Variants in PAQR9 observed in about 807,000 individuals in gnomAD.
PAQR9 encodes the protein membrane progestin receptor epsilon.
In PAQR9, 12 loss-of-function variants were observed where a neutral mutation model predicts 24.0. The ratio of observed to expected loss-of-function variants is 0.50; its 90% CI spans 0.32 to 0.81. The LOEUF is 0.81. Ranked by LOEUF, PAQR9 falls within the 30% of genes least tolerant of loss-of-function variation. The pLI is 0.03. For missense variants in PAQR9, 418 were observed against 520.8 expected (o/e 0.80, Z 1.92); for synonymous variants, 266 against 237.6 (o/e 1.12, Z -1.10).
rs1055539883 is a variant in PAQR9, at chr3:142,961,213, G to A, written c.*990C>T. 3.3e-5 allele frequency: 5 copies of A among 152,548 alleles called. No individual in the cohort carries two copies. Among genetic ancestry groups the A allele is most frequent in the African/African-American group, 1.2e-4 (5 of 41,408 alleles). The allele number at this position is 152,548 out of a possible 1,614,324, so 9.4% of individuals were successfully genotyped here. A position where few individuals can be genotyped will look rare whatever the true frequency, so the allele number is the denominator to read the frequency against. The stretch of plus-strand genomic sequence containing the variant: ...TACTACTCTCCCCATGTAAGAAACT[G>A]TGTTTGAGGACCAGTCATTTGGACT... On this transcript the variant is annotated 3_prime_UTR_variant, in exon 1 of 1. Transcript: ENST00000340634.
chr3:142,951,359 A>G (rs2270766), downstream of PAQR9, among the ~76,000 whole-genome samples: 37,490 of 152,172 alleles, frequency 0.25, 5,330 homozygotes, highest in Non-Finnish European at 0.33. Context: ...TTGAAATAGA[A>G]TCAAACTCTC....
chr3:142,951,691 A>G (rs558800838), downstream of PAQR9: 4 of 456,582 alleles, frequency 8.8e-6, no homozygotes, highest in South Asian at 4.6e-5. Context: ...GAAAGCTGAC[A>G]GAAAGTGGCA....
downstream of PAQR9, among the ~76,000 whole-genome samples, chr3:142,954,342 T>C (rs954318424): frequency 3.3e-5 from 5 of 152,244 alleles, no homozygotes; most frequent in Admixed American, 6.5e-5. Context: ...TTACAAGATA[T>C]GGCTTCAAAG....
chr3:142,952,515 T>A (rs1258307482), downstream of PAQR9, among the ~76,000 whole-genome samples: 1 of 152,230 alleles, frequency 6.6e-6, no homozygotes, highest in African/African-American at 2.4e-5. Flanking sequence ...TCTGTTAAGA[T>A]ACTTCTGATT....
Position 142,955,301 on chromosome 3 carries a change from C to G in PAQR9, c.*6902G>C, listed in dbSNP as rs1346400060. Among the ~76,000 whole-genome samples the G allele has an allele frequency of 6.6e-6, 1 of 151,842 alleles. No individual in the cohort carries two copies. Among genetic ancestry groups the G allele is most frequent in the Non-Finnish European group, 1.5e-5 (1 of 67,996 alleles). On this transcript the variant is annotated 3_prime_UTR_variant, in exon 1 of 1. Coordinates refer to ENST00000340634, the MANE Select transcript of PAQR9 (RefSeq NM_198504.4). ...CATAAGGCAGATGGTTGGAGAAGGC[C>G]TAAATACACATGGAATCCTTTTAGA...
rs1351758777 is a variant in PAQR9, at chr3:142,960,137, A to T, written c.*2066T>A. On this transcript the variant is annotated 3_prime_UTR_variant, in exon 1 of 1. Coordinates refer to ENST00000340634, the MANE Select transcript of PAQR9 (RefSeq NM_198504.4). ...CAACAACTGTGCAAAGTGTATTTAC[A>T]ATCTCAGTAAGAGATTCTAAATTAA... Among the ~76,000 whole-genome samples, 1 of 152,236 alleles carries T rather than the reference A, an allele frequency of 6.6e-6. No homozygotes were observed. Among genetic ancestry groups the T allele is most frequent in the Admixed American group, 6.5e-5 (1 of 15,284 alleles).
chr3:142,963,349 T>C lies in PAQR9; in HGVS notation c.-13A>G. The C allele has an allele frequency of 8.2e-7, 1 of 1,224,402 alleles. No individual in the cohort carries two copies. The highest frequency in any genetic ancestry group is 1.0e-6 in the Non-Finnish European group (1 of 984,830). The allele number at this position is 1,224,402 out of a possible 1,614,324, so 75.8% of individuals were successfully genotyped here. A position where few individuals can be genotyped will look rare whatever the true frequency, so the allele number is the denominator to read the frequency against. On this transcript the variant is annotated 5_prime_UTR_variant, in exon 1 of 1. Coordinates refer to ENST00000340634, the MANE Select transcript of PAQR9 (RefSeq NM_198504.4). ...GGCGCCGCGGCATGGTGCCCGGGGCTCGGCTAGGGCGCGCGCAGGCGACCT... is the reference window on the plus strand; with the variant it reads ...GGCGCCGCGGCATGGTGCCCGGGGCCCGGCTAGGGCGCGCGCAGGCGACCT...
chr3:142,952,779 A>C, downstream of PAQR9: 1 of 456,736 alleles, frequency 2.2e-6, no homozygotes, highest in South Asian at 1.5e-5. Flanking sequence ...GGGGAGGGAC[A>C]GGAAAACTTA....
chr3:142,957,678 C>T lies in PAQR9; in HGVS notation c.*4525G>A, dbSNP rs1934813953. Among the ~76,000 whole-genome samples the T allele has an allele frequency of 6.6e-6, 1 of 152,156 alleles. No individual in the cohort carries two copies. The highest frequency in any genetic ancestry group is 6.5e-5 in the Admixed American group (1 of 15,284). On this transcript the variant is annotated 3_prime_UTR_variant, in exon 1 of 1. Transcript: ENST00000340634. ...TAATAGTATGAATACTATCAATCTT[C>T]CAATAGTTATCGTTATTAGTGTTTT...
chr3:142,962,456 T>A lies in PAQR9; in HGVS notation c.881A>T (p.Lys294Met). ...LVVAAFFNVS[K>M]IPERIQPGLF... is the part of the protein sequence containing the mutation. ...ACCCGGCTGGATGCGCTCGGGGATC[T>A]TGCTCACGTTGAAGAAGGCGGCCAC... is the stretch of plus-strand genomic sequence containing the variant. Residue 294 changes from lysine to methionine, a missense_variant, in exon 1 of 1, where the codon AAG (lysine) becomes ATG (methionine). By Grantham distance (95) the Lys-to-Met change is moderately conservative (BLOSUM62 -1). This residue lies in a region of PAQR9 where 230 missense variants were observed against 305.2 expected (regional missense o/e 0.75). Coordinates refer to ENST00000340634, the MANE Select transcript of PAQR9 (RefSeq NM_198504.4). 1 of 1,613,730 alleles carries A rather than the reference T, an allele frequency of 6.2e-7. No individual in the cohort carries two copies. The highest frequency in any genetic ancestry group is 1.3e-5 in the African/African-American group (1 of 75,052).
In PAQR9 at chr3:142,962,724, G is replaced by C. The variant is rs1427173538; in HGVS notation, c.613C>G (p.Leu205Val). 6.2e-7 allele frequency: 1 copy of C among 1,612,574 alleles called. No homozygotes were observed. The highest frequency in any genetic ancestry group is 1.1e-5 in the South Asian group (1 of 90,940). ...RLGWHVDCTR[L>V]IAAYRALVLP... ...ACCAGGGCGCGGTAGGCGGCGATAA[G>C]GCGCGTGCAGTCCACGTGCCAGCCC... Residue 205 changes from leucine to valine, a missense_variant, in exon 1 of 1, where the codon CTT (leucine) becomes GTT (valine). Coordinates refer to ENST00000340634, the MANE Select transcript of PAQR9 (RefSeq NM_198504.4).
In PAQR9 at chr3:142,956,233, A is replaced by G. The variant is rs575462731; in HGVS notation, c.*5970T>C. Among the ~76,000 whole-genome samples, 9 of 152,366 alleles carry G rather than the reference A, an allele frequency of 5.9e-5. No individual in the cohort carries two copies. Among genetic ancestry groups the G allele is most frequent in the African/African-American group, 2.2e-4 (9 of 41,596 alleles). The stretch of plus-strand genomic sequence containing the variant: ...TCTAGAAACAAGAGTTTATTTACAC[A>G]GTGTCCTTCTTCAATATCATGGTGT... On this transcript the variant is annotated 3_prime_UTR_variant, in exon 1 of 1. Coordinates refer to ENST00000340634, the MANE Select transcript of PAQR9 (RefSeq NM_198504.4).
Position 142,956,348 on chromosome 3 carries a change from G to A in PAQR9, c.*5855C>T, listed in dbSNP as rs956821056. ...CCTTGAGTGCTTATTGCGTATTTTGGGTGGAGGTATAAGGCATGAGGGAAA... is the reference window on the plus strand; with the variant it reads ...CCTTGAGTGCTTATTGCGTATTTTGAGTGGAGGTATAAGGCATGAGGGAAA... On this transcript the variant is annotated 3_prime_UTR_variant, in exon 1 of 1. Transcript: ENST00000340634. 4.6e-5 allele frequency among the ~76,000 whole-genome samples: 7 copies of A among 152,130 alleles called. No homozygotes were observed. Among genetic ancestry groups the A allele is most frequent in the African/African-American group, 1.7e-4 (7 of 41,422 alleles).
rs561284121 is a variant in PAQR9, at chr3:142,956,003, A to T, written c.*6200T>A. On this transcript the variant is annotated 3_prime_UTR_variant, in exon 1 of 1. Coordinates refer to ENST00000340634, the MANE Select transcript of PAQR9 (RefSeq NM_198504.4). ...TCACCGGATAAAGATGAGTCTTTCC[A>T]AAAAGCTCTGGTTCTCACTTATGTG... Among the ~76,000 whole-genome samples, 44 of 152,348 alleles carry T rather than the reference A, an allele frequency of 2.9e-4. No individual in the cohort carries two copies. The highest frequency in any genetic ancestry group is 6.5e-4 in the Admixed American group (10 of 15,306).
Position 142,963,092 on chromosome 3 carries a change from T to C in PAQR9, c.245A>G (p.Asn82Ser), listed in dbSNP as rs1445468364. 6.2e-7 allele frequency: 1 copy of C among 1,614,006 alleles called. No individual in the cohort carries two copies. Among genetic ancestry groups the C allele is most frequent in the Non-Finnish European group, 8.5e-7 (1 of 1,179,956 alleles). Residue 82 changes from asparagine (N) to serine (S), a missense_variant, in exon 1 of 1, where the codon AAC (asparagine) becomes AGC (serine). Physicochemically the swap from Asn to Ser is conservative, Grantham distance 46. Coordinates refer to ENST00000340634, the MANE Select transcript of PAQR9 (RefSeq NM_198504.4). ...GTGCGTCCAGAAGTTGAGCGTCTCG[T>C]TGGTAGGCTTCAGCACCGAGGCTAG... ...ECLASVLKPT[N>S]ETLNFWTHFI...
At chr3:142,950,503 A>G, downstream of PAQR9, 1 of 395,184 alleles carries the variant, frequency 2.5e-6, no homozygotes, top group South Asian at 1.9e-5. Context: ...TAAGCTCCTT[A>G]CATCCCATAC....
At position 142,962,935 on chromosome 3, in the gene PAQR9, G is replaced by A; in HGVS notation, c.402C>T (p.Ala134=). The A allele has an allele frequency of 1.2e-6, 2 of 1,614,000 alleles. No homozygotes were observed. The highest frequency in any genetic ancestry group is 1.6e-4 in the Middle Eastern group (1 of 6,062). The change falls in exon 1 of 1, where the codon GCC becomes GCT. Residue 134 remains alanine, a synonymous_variant. Coordinates refer to ENST00000340634, the MANE Select transcript of PAQR9 (RefSeq NM_198504.4). Reference sequence around the variant, plus strand: ...TGAACACGTGCGCCGTGCAGCTCATGGCGAAGGTCAGCAGCACTCCCGACG... The same window carrying A: ...TGAACACGTGCGCCGTGCAGCTCATAGCGAAGGTCAGCAGCACTCCCGACG... ...CYASGVLLTF[A]MSCTAHVFSC...
chr3:142,962,324 T>A lies in PAQR9; in HGVS notation c.1013A>T (p.Gln338Leu). 1 of 1,613,858 alleles carries A rather than the reference T, an allele frequency of 6.2e-7. No homozygotes were observed. The highest frequency in any genetic ancestry group is 2.2e-5 in the East Asian group (1 of 44,832). The change falls in exon 1 of 1, where the codon CAG becomes CTG. Residue 338 changes from glutamine to leucine, a missense_variant. Around this residue, in one of 3 missense-constraint regions of PAQR9, gnomAD observed 230 missense variants for 305.2 expected, o/e 0.75. Coordinates refer to ENST00000340634, the MANE Select transcript of PAQR9 (RefSeq NM_198504.4). ...GAAAGTGGGTGCGGCAGGCGGCGCC[T>A]GGAGGAACTGGCGCAGGCCCTCTTC... Reference protein sequence around the residue: ...YVEEGLRQFLQAPPAAPTFSG... With the variant: ...YVEEGLRQFLLAPPAAPTFSG...
rs1184417065 is a variant in PAQR9 at position 142,962,709 on chromosome 3, G to T, written c.628C>A (p.Arg210Ser). Residue 210 changes from arginine to serine, a missense_variant, in exon 1 of 1, where the codon CGC (arginine) becomes AGC (serine). Physicochemically the swap from Arg to Ser is moderately radical, Grantham distance 110. Around this residue, in one of 3 missense-constraint regions of PAQR9, gnomAD observed 230 missense variants for 305.2 expected, o/e 0.75. Coordinates refer to ENST00000340634, the MANE Select transcript of PAQR9 (RefSeq NM_198504.4). ...AAGGCCACAGGCAGCACCAGGGCGC[G>T]GTAGGCGGCGATAAGGCGCGTGCAG... ...VDCTRLIAAY[R>S]ALVLPVAFVL... 6.2e-7 allele frequency: 1 copy of T among 1,612,644 alleles called. No individual in the cohort carries two copies. The highest frequency in any genetic ancestry group is 8.5e-7 in the Non-Finnish European group (1 of 1,179,698).
Sources: gnomAD v4.1 joint callset for allele counts (sites outside exome capture counted in the v4.1 genomes callset) on GRCh38, gnomAD v4.1.1 for gene constraint, gnomAD v4.1.1 regional missense constraint, MANE v1.5 for transcripts, NCBI Gene and HGNC (gene_info 2026-07-23, HGNC 2026-07-21) for gene names.